Variants in PLEKHG5 observed in about 807,000 individuals in gnomAD.
PLEKHG5 encodes pleckstrin homology domain-containing family G member 5.
Under a neutral mutation model 103.8 loss-of-function variants are expected in PLEKHG5, and 52 were observed. The ratio of observed to expected loss-of-function variants is 0.50; its 90% CI spans 0.40 to 0.63. The LOEUF is 0.63. Ranked by LOEUF, PLEKHG5 falls within the 30% of genes least tolerant of loss-of-function variation. The pLI, the probability that PLEKHG5 is intolerant of heterozygous loss-of-function variation, is 0.00. For synonymous variants in PLEKHG5, 592 were observed against 575.5 expected (o/e 1.03, Z -0.41); for missense variants, 1,205 against 1,347.6 (o/e 0.89, Z 1.66).
intron 1 of PLEKHG5, chr1:6,519,393 T>G: frequency 7.1e-7 from 1 of 1,399,502 alleles, no homozygotes; most frequent in Non-Finnish European, 1.0e-6. Flanking sequence ...CTCCTTTCAC[T>G]CTGTGTCCTC....
Position 6,469,118 on chromosome 1 carries a change from C to A in PLEKHG5, c.2173G>T (p.Glu725Ter). Residue 725 changes from glutamate to a stop codon, truncating the protein, a stop_gained, in exon 19 of 21, where the codon GAG (glutamate) becomes TAG (stop). Transcript: ENST00000377728. LOFTEE classifies it high-confidence loss of function. ...EEEEEEEEEG[E>*]DSGTSAASSP... The stretch of plus-strand genomic sequence containing the variant: ...CTGGCAGCTGAAGTGCCACTGTCCT[C>A]GCCTTCCTCCTCCTCCTCCTCCTCC... 1 of 1,611,100 alleles carries A rather than the reference C, an allele frequency of 6.2e-7. No individual in the cohort carries two copies. Among genetic ancestry groups the A allele is most frequent in the Non-Finnish European group, 8.5e-7 (1 of 1,179,828 alleles).
intron 3 of PLEKHG5, 149 bp from the exon 4 acceptor site, chr1:6,475,671 C>A: frequency 1.3e-6 from 1 of 773,898 alleles, no homozygotes; most frequent in South Asian, 1.4e-5. Context: ...CCGCATAGGG[C>A]TGTGCGCCCT....
intron 1 of PLEKHG5, among the ~76,000 whole-genome samples, chr1:6,510,057 G>T (rs889295382): frequency 1.3e-5 from 2 of 152,202 alleles, no homozygotes; most frequent in Non-Finnish European, 2.9e-5. Context: ...GGCAGCCGGG[G>T]AGAGCCAGCT....
intron 2 of PLEKHG5, among the ~76,000 whole-genome samples, 198 bp downstream of exon 2, chr1:6,477,331 G>A (rs1294816964): frequency 6.6e-6 from 1 of 152,248 alleles, no homozygotes; most frequent in Non-Finnish European, 1.5e-5. Context: ...ATAGAGAAAG[G>A]CCTGCCTCTG....
chr1:6,504,251 GC>G (rs1432443403), intron 1 of PLEKHG5, among the ~76,000 whole-genome samples: 3 of 151,898 alleles, frequency 2.0e-5, no homozygotes, highest in African/African-American at 4.8e-5. Flanking sequence ...GGGGAGATTT[GC>G]CCCCCCAACA....
At position 6,475,036 on chromosome 1, in the gene PLEKHG5, T is replaced by A. The variant is rs199788135; in HGVS notation, c.302+11A>T. The stretch of plus-strand genomic sequence containing the variant: ...AGTCCCACTTCCACCCTGAGCCCCA[T>A]CAAGCCCTACCCCAGTGACTTCTTC... On this transcript the variant is annotated intron_variant, in intron 5 of 20. Transcript: ENST00000377728. The A allele has an allele frequency of 7.3e-5, 113 of 1,546,370 alleles. No individual in the cohort carries two copies. The Admixed American group carries it at 1.9e-3, about 26-fold the overall frequency.
chr1:6,476,113 A>G, intron 2 of PLEKHG5, 77 bp from the exon 3 acceptor site: 1 of 1,216,376 alleles, frequency 8.2e-7, no homozygotes, highest in Non-Finnish European at 1.2e-6. Flanking sequence ...CAGAGGGACC[A>G]CAGCCTGTTA....
intron 1 of PLEKHG5, among the ~76,000 whole-genome samples, chr1:6,515,750 G>C (rs2148639939): frequency 6.6e-6 from 1 of 152,242 alleles, no homozygotes; most frequent in South Asian, 2.1e-4. Context: ...ATTTAATATA[G>C]TGTATCCTCT....
intron 1 of PLEKHG5, among the ~76,000 whole-genome samples, chr1:6,511,815 G>A (rs1300438961): frequency 6.6e-6 from 1 of 152,210 alleles, no homozygotes; most frequent in East Asian, 1.9e-4. Flanking sequence ...GTGTGTGACT[G>A]CCACTATGGC....
At chr1:6,480,084 CT>C (rs1644862376) in intron 1 of PLEKHG5, among the ~76,000 whole-genome samples, 1 of 151,942 alleles carries the variant, frequency 6.6e-6, no homozygotes, top group Non-Finnish European at 1.5e-5. Flanking sequence ...ACCTCTGTAC[CT>C]TGTAGAGTCC....
At chr1:6,482,162 CCTT>C (rs1001623081) in intron 1 of PLEKHG5, among the ~76,000 whole-genome samples, 6 of 152,160 alleles carry the variant, frequency 3.9e-5, no homozygotes, top group African/African-American at 9.7e-5. Flanking sequence ...CCCCAAGTCA[CCTT>C]CTCATCCTCC....
Position 6,467,194 on chromosome 1 carries a change from G to T in PLEKHG5, c.*369C>A. On this transcript the variant is annotated 3_prime_UTR_variant, in exon 21 of 21. Transcript: ENST00000377728. ...CGTAACTTCACAGAACCCAGCCCAA[G>T]CCAGGGGTGGCCTGTGGGACTGGGA... The T allele has an allele frequency of 2.2e-6, 1 of 464,482 alleles. No homozygotes were observed. The highest frequency in any genetic ancestry group is 4.0e-6 in the Non-Finnish European group (1 of 250,622). 28.8% of individuals were successfully genotyped at this position (464,482 alleles called of 1,614,324 possible). A position where few individuals can be genotyped will look rare whatever the true frequency, so the allele number is the denominator to read the frequency against.
rs570763854 is a variant in PLEKHG5, at chr1:6,508,491, G to GC, written c.-165+10953dup. On this transcript the variant is annotated intron_variant, in intron 1 of 21. Coordinates refer to the PLEKHG5 transcript ENST00000377740. ...AGGCAGCCCCAGTGGGTCAGGGGAG[G>GC]CCCCCCCAGGCCAGTGAAGCGGACC... Among the ~76,000 whole-genome samples the GC allele has an allele frequency of 3.1e-3, 467 of 152,228 alleles. 1 individual carries two copies. The highest frequency in any genetic ancestry group is 5.6e-3 in the South Asian group (27 of 4,826).
upstream of PLEKHG5, among the ~76,000 whole-genome samples, chr1:6,492,532 A>ACG (rs1645165726): frequency 6.6e-6 from 1 of 152,194 alleles, no homozygotes; most frequent in African/African-American, 2.4e-5. Flanking sequence ...GGGAGGTCTC[A>ACG]GATCCCAGGG....
intron 1 of PLEKHG5, among the ~76,000 whole-genome samples, chr1:6,489,231 AT>A (rs556478271): frequency 1.3e-3 from 203 of 152,290 alleles, no homozygotes; most frequent in African/African-American, 4.7e-3. Flanking sequence ...GACTGCATGC[AT>A]GGGCAGGCCA....
intron 1 of PLEKHG5, among the ~76,000 whole-genome samples, chr1:6,514,024 C>T (rs1638548020): frequency 6.6e-6 from 1 of 152,148 alleles, no homozygotes; most frequent in African/African-American, 2.4e-5. Flanking sequence ...ATTTACATCT[C>T]GAGAAGCATA....
chr1:6,512,831 G>A lies in PLEKHG5; in HGVS notation c.-165+6614C>T, dbSNP rs189483565. Among the ~76,000 whole-genome samples the A allele has an allele frequency of 1.3e-5, 2 of 152,312 alleles. 1 individual carries two copies. The highest frequency in any genetic ancestry group is 3.9e-4 in the East Asian group (2 of 5,188). On this transcript the variant is annotated intron_variant, in intron 1 of 21. Coordinates refer to the PLEKHG5 transcript ENST00000377740. Reference sequence around the variant, plus strand: ...CAGCTCCTGCCGGCTGTGCCATCTCGAACAAGTTGGGCCTCAGTTTCCTCA... The same window carrying A: ...CAGCTCCTGCCGGCTGTGCCATCTCAAACAAGTTGGGCCTCAGTTTCCTCA...
chr1:6,514,669 G>A (rs1221006229), intron 1 of PLEKHG5, among the ~76,000 whole-genome samples: 2 of 151,588 alleles, frequency 1.3e-5, no homozygotes, highest in African/African-American at 4.9e-5. Context: ...GCTGAGGCAT[G>A]AGAATTGCTT....
At chr1:6,495,094 T>C (rs1557765009), upstream of PLEKHG5, among the ~76,000 whole-genome samples, 1 of 152,354 alleles carries the variant, frequency 6.6e-6, no homozygotes, top group African/African-American at 2.4e-5. Context: ...GTGTGCCTTA[T>C]TGCCCCAGCC....
Sources: allele counts gnomAD v4.1 joint callset (sites outside exome capture counted in the v4.1 genomes callset), GRCh38; gene constraint gnomAD v4.1.1; transcripts MANE v1.5; gene names NCBI Gene and HGNC (gene_info 2026-07-23, HGNC 2026-07-21).